The following LYRM1 variants were observed in gnomAD, a reference collection of about 807,000 sequenced individuals.
LYRM1 encodes the protein LYR motif-containing protein 1.
A neutral mutation model predicts 14.9 loss-of-function variants in LYRM1; 14 were observed. The observed-to-expected ratio is 0.94, with a 90% CI of 0.62 to 1.47. The LOEUF is 1.47. LYRM1 is among the 40% of genes most tolerant of loss of function. LYRM1 has a pLI of 0.00. For missense variants in LYRM1, 153 were observed against 149.9 expected, an observed-to-expected ratio of 1.02 and a Z score of -0.11; for synonymous variants, 43 against 56.2, an observed-to-expected ratio of 0.77 and a Z score of 1.05.
intron 3 of LYRM1, among the ~76,000 whole-genome samples, chr16:20,923,392 C>T (rs1335593473): frequency 3.3e-5 from 5 of 149,894 alleles, no homozygotes; most frequent in East Asian, 2.0e-4. Context: ...CCCAGCTACT[C>T]GGGAGGCTGA....
intron 1 of LYRM1, 128 bp from the exon 2 acceptor site, chr16:20,915,428 A>G (rs201944752): frequency 1.2e-6 from 1 of 840,614 alleles, no homozygotes; most frequent in Non-Finnish European, 1.8e-6. Context: ...CCACTGCACT[A>G]CAGCCTGGGC....
At chr16:20,913,069 AAATAATAATAATAAT>A (rs34662196) in intron 1 of LYRM1, among the ~76,000 whole-genome samples, 2 of 145,056 alleles carry the variant, frequency 1.4e-5, no homozygotes, top group African/African-American at 2.5e-5. Flanking sequence ...TCTGTCTCAA[AAATAATAATAATAAT>A]AATAATAATA....
chr16:20,910,017 C>A (rs937321903), intron 1 of LYRM1, among the ~76,000 whole-genome samples: 1 of 152,054 alleles, frequency 6.6e-6, no homozygotes, highest in African/African-American at 2.4e-5. Flanking sequence ...ACAGAGAGCC[C>A]CAACCCAATG....
intron 1 of LYRM1, among the ~76,000 whole-genome samples, chr16:20,909,437 A>G (rs943401657): frequency 1.3e-5 from 2 of 152,246 alleles, no homozygotes; most frequent in African/African-American, 4.8e-5. Context: ...AAAAATCTAC[A>G]TGGATAGACT....
intron 1 of LYRM1, among the ~76,000 whole-genome samples, chr16:20,907,421 C>T (rs573775722): frequency 5.5e-4 from 84 of 152,180 alleles, no homozygotes; most frequent in Non-Finnish European, 1.0e-3. Flanking sequence ...AGTGCAGTGG[C>T]GTGATCATAG....
At chr16:20,900,389 C>T (rs1199478005), upstream of LYRM1, 1 of 151,876 alleles carries the variant, frequency 6.6e-6, no homozygotes, top group South Asian at 2.1e-4. Flanking sequence ...GCCCCGAAGC[C>T]CCGCCCCCTC....
chr16:20,909,433 C>T (rs2082476793), intron 1 of LYRM1, among the ~76,000 whole-genome samples: 1 of 152,168 alleles, frequency 6.6e-6, no homozygotes, highest in Non-Finnish European at 1.5e-5. Context: ...TTTTAAAAAT[C>T]TACATGGATA....
At chr16:20,918,358 C>T (rs1357806768) in intron 2 of LYRM1, among the ~76,000 whole-genome samples, 1 of 152,112 alleles carries the variant, frequency 6.6e-6, no homozygotes, top group Non-Finnish European at 1.5e-5. Context: ...ACTGATGGTA[C>T]ATGAGATTAT....
Position 20,915,669 on chromosome 16 carries a change from G to C in LYRM1, c.114G>C (p.Gln38His), listed in dbSNP as rs1251578313. 3 of 1,614,014 alleles carry C rather than the reference G, an allele frequency of 1.9e-6. No individual in the cohort carries two copies. In the Admixed American group the frequency reaches 5.0e-5, roughly 27 times the overall value. ...TGGAAGACACCATCAAAGAAAAACA[G>C]TACATACTAAATGAAGCCAGAACGC... ...GQMEDTIKEKQYILNEARTLF... is the reference protein window; with the variant it reads ...GQMEDTIKEKHYILNEARTLF... Residue 38 changes from glutamine (Q) to histidine (H), a missense_variant, in exon 2 of 4, where the codon CAG (glutamine) becomes CAC (histidine). Gln to His is a conservative substitution (Grantham distance 24). Coordinates refer to ENST00000567954, the MANE Select transcript of LYRM1 (RefSeq NM_001128302.3).
At chr16:20,906,535 G>T (rs1951629041) in intron 1 of LYRM1, among the ~76,000 whole-genome samples, 1 of 152,186 alleles carries the variant, frequency 6.6e-6, no homozygotes, top group Non-Finnish European at 1.5e-5. Flanking sequence ...TTAACTTCCT[G>T]GGGCTTGAAA....
At chr16:20,906,782 G>A (rs2082341426) in intron 1 of LYRM1, among the ~76,000 whole-genome samples, 1 of 152,104 alleles carries the variant, frequency 6.6e-6, no homozygotes, top group South Asian at 2.1e-4. Context: ...CCAGAGGTGG[G>A]GTAAAAGGGC....
At chr16:20,906,385 A>G (rs1395145673) in intron 1 of LYRM1, among the ~76,000 whole-genome samples, 3 of 152,232 alleles carry the variant, frequency 2.0e-5, no homozygotes, top group Non-Finnish European at 4.4e-5. Context: ...ATTTGGGTGG[A>G]GTTTATGATT....
At chr16:20,915,865 G>A in intron 2 of LYRM1, 151 bp downstream of exon 2, 1 of 769,716 alleles carries the variant, frequency 1.3e-6, no homozygotes, top group Non-Finnish European at 2.0e-6. Flanking sequence ...AGCTTGGCTA[G>A]CTTGCCTGAC....
intron 3 of LYRM1, 50 bp downstream of exon 3, chr16:20,920,264 T>C: frequency 7.5e-7 from 1 of 1,331,044 alleles, no homozygotes; most frequent in Non-Finnish European, 1.1e-6. Flanking sequence ...CTCATCAACC[T>C]GGTTATTTCC....
rs993112311 is a variant in LYRM1, at chr16:20,901,708, G to A, written c.-1+819G>A. On this transcript the variant is annotated intron_variant, in intron 1 of 3. Coordinates refer to ENST00000567954, the MANE Select transcript of LYRM1 (RefSeq NM_001128302.3). This position sits in a 1 kb window ranked among gnomAD's most constrained non-coding sequence, Gnocchi z 4.6. ...GTGTACCTTAAGGGTTTTAAGAAGGGAAGTGACCTGACCTGATTTACATTT... is the reference window on the plus strand; with the variant it reads ...GTGTACCTTAAGGGTTTTAAGAAGGAAAGTGACCTGACCTGATTTACATTT... 6.6e-6 allele frequency among the ~76,000 whole-genome samples: 1 copy of A among 152,238 alleles called. No homozygotes were observed. The highest frequency in any genetic ancestry group is 1.5e-5 in the Non-Finnish European group (1 of 68,046).
intron 1 of LYRM1, among the ~76,000 whole-genome samples, chr16:20,907,739 T>C (rs879855085): frequency 6.6e-6 from 1 of 152,132 alleles, no homozygotes; most frequent in Non-Finnish European, 1.5e-5. Context: ...CAGCTTCCCC[T>C]TACCTGGGTC....
At chr16:20,912,856 C>T (rs2152541102) in intron 1 of LYRM1, among the ~76,000 whole-genome samples, 1 of 151,740 alleles carries the variant, frequency 6.6e-6, no homozygotes, top group African/African-American at 2.4e-5. Flanking sequence ...CATCTGAGGT[C>T]AGGAGCTCGA....
At chr16:20,905,826 T>C (rs1021939991) in intron 1 of LYRM1, among the ~76,000 whole-genome samples, 1 of 152,174 alleles carries the variant, frequency 6.6e-6, no homozygotes, top group African/African-American at 2.4e-5. Flanking sequence ...AGTCTCCAGT[T>C]CTTTATCCTG....
At chr16:20,922,977 C>G (rs559545312) in intron 3 of LYRM1, among the ~76,000 whole-genome samples, 2 of 152,242 alleles carry the variant, frequency 1.3e-5, no homozygotes, top group African/African-American at 4.8e-5. Context: ...GATGAGGTGT[C>G]CCAGCTCAAA....
Sources: gnomAD v4.1 joint callset for allele counts (sites outside exome capture counted in the v4.1 genomes callset) on GRCh38, gnomAD v4.1.1 for gene constraint, Gnocchi (gnomAD v3.1) non-coding constraint, MANE v1.5 for transcripts, NCBI Gene and HGNC (gene_info 2026-07-23, HGNC 2026-07-21) for gene names.